Variants in TIMP2 observed in about 807,000 individuals in gnomAD.
TIMP2 encodes the protein metalloproteinase inhibitor 2.
A neutral mutation model predicts 24.3 loss-of-function variants in TIMP2; 5 were observed. The observed-to-expected ratio is 0.21, with a 90% CI of 0.11 to 0.43. The LOEUF (loss-of-function observed/expected upper bound fraction) is 0.43. Among genes scored for constraint, TIMP2 ranks in the 20% least tolerant of loss-of-function variants. TIMP2 has a pLI of 1.00. For missense variants in TIMP2, 221 were observed against 297.5 expected (o/e 0.74, Z 1.89); for synonymous variants, 130 against 123.2 (o/e 1.06, Z -0.37).
chr17:78,910,514 C>G (rs116630744), intron 1 of TIMP2, among the ~76,000 whole-genome samples: 1 of 152,168 alleles, frequency 6.6e-6, no homozygotes, highest in Non-Finnish European at 1.5e-5. Context: ...ATTAATCCAA[C>G]AGTGACATGG....
At chr17:78,900,103 T>TA (rs1568003975) in intron 1 of TIMP2, 1 of 152,128 alleles carries the variant, frequency 6.6e-6, no homozygotes, top group Non-Finnish European at 1.5e-5. Context: ...CTCGAGGGCT[T>TA]TTAAAATGTA....
Position 78,924,100 on chromosome 17 carries a change from C to T in TIMP2, c.130+859G>A, listed in dbSNP as rs2145800429. Among the ~76,000 whole-genome samples, 1 of 152,336 alleles carries T rather than the reference C, an allele frequency of 6.6e-6. No homozygotes were observed. Among genetic ancestry groups the T allele is most frequent in the East Asian group, 1.9e-4 (1 of 5,180 alleles). ...AAACTTCGAGCCAGCGGGTTCCTCCCATTTCTGCTGGTCCTCCCCCTCCAT... is the reference window on the plus strand; with the variant it reads ...AAACTTCGAGCCAGCGGGTTCCTCCTATTTCTGCTGGTCCTCCCCCTCCAT... On this transcript the variant is annotated intron_variant, in intron 1 of 4. Transcript: ENST00000262768. This position sits in a 1 kb window ranked among gnomAD's most constrained non-coding sequence, Gnocchi z 5.3.
chr17:78,903,655 G>A (rs146685281), intron 1 of TIMP2, among the ~76,000 whole-genome samples: 3 of 152,252 alleles, frequency 2.0e-5, no homozygotes, highest in East Asian at 3.9e-4. Context: ...AAAGAATCCC[G>A]TCAACCACCT....
intron 1 of TIMP2, among the ~76,000 whole-genome samples, chr17:78,917,580 T>C (rs1426525178): frequency 6.6e-6 from 1 of 152,232 alleles, no homozygotes; most frequent in African/African-American, 2.4e-5. Flanking sequence ...AGGCCCTTCC[T>C]AACTGGTGAG....
rs1482030594 is a variant in TIMP2, at chr17:78,924,139, T to C, written c.130+820A>G. On this transcript the variant is annotated intron_variant, in intron 1 of 4. Coordinates refer to ENST00000262768, the MANE Select transcript of TIMP2 (RefSeq NM_003255.5). This position sits in a 1 kb window ranked among gnomAD's most constrained non-coding sequence, Gnocchi z 5.3. ...CTCCCCCTCCATGGATCAGAACAAA[T>C]AACTGGGCCCCTCCTGCCTCCCTCC... Among the ~76,000 whole-genome samples, 2 of 152,130 alleles carry C rather than the reference T, an allele frequency of 1.3e-5. No individual in the cohort carries two copies. Among genetic ancestry groups the C allele is most frequent in the Non-Finnish European group, 2.9e-5 (2 of 68,000 alleles).
At chr17:78,898,642 G>A (rs921208141) in intron 1 of TIMP2, 3 of 152,376 alleles carry the variant, frequency 2.0e-5, no homozygotes, top group South Asian at 2.1e-4. Flanking sequence ...ATGCACAGAA[G>A]GGTGAGACCT....
At chr17:78,918,649 C>T (rs951941199) in intron 1 of TIMP2, among the ~76,000 whole-genome samples, 2 of 152,272 alleles carry the variant, frequency 1.3e-5, no homozygotes, top group East Asian at 1.9e-4. Flanking sequence ...TTCAGACCCA[C>T]GGGCAACAAA....
At chr17:78,922,122 G>A (rs1433607509) in intron 1 of TIMP2, 1 of 152,196 alleles carries the variant, frequency 6.6e-6, no homozygotes, top group Non-Finnish European at 1.5e-5. Flanking sequence ...ATCTGCAAAG[G>A]GACCTAGACC....
At position 78,920,938 on chromosome 17, in the gene TIMP2, T is replaced by C. The variant is rs1464243121; in HGVS notation, c.130+4021A>G. ...CCCGGGGGCAGAGGCAGCCACTCCA[T>C]AATTGCTTGTTGAAACACAGACAAG... On this transcript the variant is annotated intron_variant, in intron 1 of 4. Coordinates refer to ENST00000262768, the MANE Select transcript of TIMP2 (RefSeq NM_003255.5). This position sits in a 1 kb window ranked among gnomAD's most constrained non-coding sequence, Gnocchi z 4.5. 6.6e-6 allele frequency among the ~76,000 whole-genome samples: 1 copy of C among 152,118 alleles called. No homozygotes were observed. Among genetic ancestry groups the C allele is most frequent in the Non-Finnish European group, 1.5e-5 (1 of 68,028 alleles).
chr17:78,877,437 C>T (rs1385688812), intron 1 of TIMP2, among the ~76,000 whole-genome samples: 1 of 151,916 alleles, frequency 6.6e-6, no homozygotes, highest in Non-Finnish European at 1.5e-5. Flanking sequence ...AAATCCCAGC[C>T]ACTTGGGAGG....
intron 1 of TIMP2, among the ~76,000 whole-genome samples, chr17:78,907,086 T>C (rs1172815365): frequency 6.6e-6 from 1 of 151,910 alleles, no homozygotes; most frequent in Non-Finnish European, 1.5e-5. Flanking sequence ...CAAGCTTGAA[T>C]GCAATGGTGT....
chr17:78,913,655 G>A (rs2070228246), intron 1 of TIMP2, among the ~76,000 whole-genome samples: 1 of 152,004 alleles, frequency 6.6e-6, no homozygotes, highest in Non-Finnish European at 1.5e-5. Context: ...AGGCTGCAGT[G>A]AGCCATGATC....
intron 2 of TIMP2, among the ~76,000 whole-genome samples, chr17:78,872,925 G>GTT (rs1343233672): frequency 2.6e-5 from 4 of 151,774 alleles, no homozygotes; most frequent in Non-Finnish European, 5.9e-5. Context: ...TGCCTCCCAG[G>GTT]TTTAAGTGTT....
chr17:78,889,542 C>G (rs1223083362), intron 1 of TIMP2, among the ~76,000 whole-genome samples: 1 of 152,256 alleles, frequency 6.6e-6, no homozygotes, highest in Non-Finnish European at 1.5e-5. Flanking sequence ...TCAGCCTTGG[C>G]TAAGCACTAA....
intron 2 of TIMP2, among the ~76,000 whole-genome samples, chr17:78,872,476 G>A (rs1209815405): frequency 6.6e-6 from 1 of 152,152 alleles, no homozygotes; most frequent in African/African-American, 2.4e-5. Context: ...TCAGCACTCA[G>A]GGAGGCTGTT....
intron 4 of TIMP2, 148 bp downstream of exon 4, chr17:78,857,374 C>A: frequency 9.1e-7 from 1 of 1,103,204 alleles, no homozygotes; most frequent in Non-Finnish European, 1.3e-6. Context: ...CAGCCTTACT[C>A]TTGGGATGAC....
chr17:78,895,079 G>A (rs1469801756), intron 1 of TIMP2, among the ~76,000 whole-genome samples: 1 of 152,088 alleles, frequency 6.6e-6, no homozygotes, highest in Non-Finnish European at 1.5e-5. Flanking sequence ...TCAGGAGTTC[G>A]AAAGCAGCCT....
chr17:78,891,597 C>T lies in TIMP2; in HGVS notation c.131-17678G>A. 1 of 1,550,868 alleles carries T rather than the reference C, an allele frequency of 6.4e-7. No homozygotes were observed. Among genetic ancestry groups the T allele is most frequent in the Non-Finnish European group, 8.7e-7 (1 of 1,147,048 alleles). On this transcript the variant is annotated intron_variant, in intron 1 of 4. Transcript: ENST00000262768. This position sits in a 1 kb window ranked among gnomAD's most constrained non-coding sequence, Gnocchi z 4.5. ...AGCTGCCCGAGGTCTCTCAGCTTCCCCTCCAGACTCTGTCCCTGAGAGCGA... is the reference window on the plus strand; with the variant it reads ...AGCTGCCCGAGGTCTCTCAGCTTCCTCTCCAGACTCTGTCCCTGAGAGCGA...
Position 78,864,212 on chromosome 17 carries a change from C to G in TIMP2, c.341-6566G>C, listed in dbSNP as rs541936698. Among the ~76,000 whole-genome samples the G allele has an allele frequency of 2.6e-5, 4 of 152,228 alleles. No homozygotes were observed. In the South Asian group the frequency reaches 8.3e-4, roughly 32 times the overall value. The stretch of plus-strand genomic sequence containing the variant: ...CTTCCTGCCTCAGCCTCCCAAGTAG[C>G]TAGGACTACAGGTGCACATGACCAC... On this transcript the variant is annotated intron_variant, in intron 3 of 4. Transcript: ENST00000262768.
Sources: allele counts gnomAD v4.1 joint callset (sites outside exome capture counted in the v4.1 genomes callset), GRCh38; gene constraint gnomAD v4.1.1; non-coding constraint Gnocchi (gnomAD v3.1); transcripts MANE v1.5; gene names NCBI Gene and HGNC (gene_info 2026-07-23, HGNC 2026-07-21).